PCDHA3: variants seen among roughly 807,000 people sequenced by gnomAD.
The protein encoded by PCDHA3 is protocadherin alpha 3.
In PCDHA3, 41 loss-of-function variants were observed where a neutral mutation model predicts 62.2. That is an observed-to-expected ratio of 0.66 (90% confidence interval 0.51 to 0.86). The LOEUF is 0.86. Among genes scored for constraint, PCDHA3 ranks in the 40% least tolerant of loss-of-function variants. The pLI is 0.00. For missense variants in PCDHA3, 1,304 were observed against 1,241.2 expected (o/e 1.05, Z -0.76); for synonymous variants, 640 against 555.4 (o/e 1.15, Z -2.14).
intron 1 of PCDHA3, among the ~76,000 whole-genome samples, chr5:140,915,048 C>T (rs782399136): frequency 2.0e-5 from 3 of 151,284 alleles, no homozygotes; most frequent in East Asian, 1.9e-4. Context: ...TGGGTTCAAG[C>T]GATTCTCCTG....
chr5:140,880,736 T>C (rs1554171410), intron 1 of PCDHA3, among the ~76,000 whole-genome samples: 4 of 152,068 alleles, frequency 2.6e-5, no homozygotes, highest in Non-Finnish European at 5.9e-5. Context: ...ATAGAGAAAA[T>C]GGATTGTCAG....
chr5:140,869,431 G>T lies in PCDHA3; in HGVS notation c.2394+65840G>T, dbSNP rs782430805. ...GTGCAGCATCCACCTGGAGGTGATC[G>T]TGGACAGGCCGCTGCAGGTTTTCCA... is the stretch of plus-strand genomic sequence containing the variant. On this transcript the variant is annotated intron_variant, in intron 1 of 3. Transcript: ENST00000522353. The T allele has an allele frequency of 3.7e-6, 6 of 1,614,204 alleles. No individual in the cohort carries two copies. In the South Asian group the frequency reaches 5.5e-5, roughly 15 times the overall value.
At chr5:140,938,427 T>G (rs992312670) in intron 1 of PCDHA3, among the ~76,000 whole-genome samples, 3 of 152,206 alleles carry the variant, frequency 2.0e-5, no homozygotes, top group African/African-American at 7.2e-5. Flanking sequence ...GCAAAAATCC[T>G]TTATCAGATT....
rs1464705038 is a variant in PCDHA3 at position 140,883,214 on chromosome 5, T to C, written c.2394+79623T>C. 4.3e-6 allele frequency: 7 copies of C among 1,613,892 alleles called. No individual in the cohort carries two copies. The highest frequency in any genetic ancestry group is 5.9e-6 in the Non-Finnish European group (7 of 1,180,024). The stretch of plus-strand genomic sequence containing the variant: ...ACTAGATTTCGAAGAAAAGAAATTA[T>C]ATGAAATATCCGTGGAGGCAGTTGA... On this transcript the variant is annotated intron_variant, in intron 1 of 3. Coordinates refer to ENST00000522353, the MANE Select transcript of PCDHA3 (RefSeq NM_018906.3).
intron 3 of PCDHA3, among the ~76,000 whole-genome samples, chr5:141,006,584 GA>G (rs1353712503): frequency 6.6e-6 from 1 of 152,126 alleles, no homozygotes; most frequent in Non-Finnish European, 1.5e-5. Context: ...GAGGGTTGGA[GA>G]GAAGCAAAAG....
intron 1 of PCDHA3, among the ~76,000 whole-genome samples, chr5:140,971,967 A>C (rs2096509788): frequency 6.6e-6 from 1 of 152,118 alleles, no homozygotes; most frequent in Non-Finnish European, 1.5e-5. Flanking sequence ...ACTTTTTTTC[A>C]ATACTATGAG....
intron 1 of PCDHA3, among the ~76,000 whole-genome samples, chr5:140,964,058 A>C (rs147228403): frequency 1.4e-3 from 207 of 152,356 alleles, no homozygotes; most frequent in Admixed American, 4.3e-3. Flanking sequence ...TGGTGTGGTC[A>C]AGGCATTAGT....
chr5:140,886,659 C>T (rs782545078), intron 1 of PCDHA3, among the ~76,000 whole-genome samples: 4 of 151,858 alleles, frequency 2.6e-5, no homozygotes, highest in African/African-American at 4.8e-5. Context: ...AACCCTGTCT[C>T]TACTAAAAAT....
Position 140,858,234 on chromosome 5 carries a change from C to T in PCDHA3, c.2394+54643C>T, listed in dbSNP as rs782153266. 3 of 1,596,216 alleles carry T rather than the reference C, an allele frequency of 1.9e-6. No homozygotes were observed. The highest frequency in any genetic ancestry group is 3.4e-5 in the Admixed American group (2 of 59,220). ...TGCTCGGCGGCGCCCACCGAGGGCGCATGTGGGCCGGTGAAGCCCACGCTG... is the reference window on the plus strand; with the variant it reads ...TGCTCGGCGGCGCCCACCGAGGGCGTATGTGGGCCGGTGAAGCCCACGCTG... On this transcript the variant is annotated intron_variant, in intron 1 of 3. Coordinates refer to ENST00000522353, the MANE Select transcript of PCDHA3 (RefSeq NM_018906.3).
At chr5:140,861,759 C>T (rs2047064113) in intron 1 of PCDHA3, 1 of 93,332 alleles carries the variant, frequency 1.1e-5, no homozygotes, top group Non-Finnish European at 2.2e-5. Context: ...GATTATTTTT[C>T]CCTGGAAATA....
intron 1 of PCDHA3, chr5:140,859,449 A>T (rs1319113076): frequency 4.5e-6 from 1 of 222,150 alleles, no homozygotes; most frequent in Non-Finnish European, 8.6e-6. Context: ...TTAGTTGCAG[A>T]GTGACAAAAC....
At chr5:140,882,332 G>T (rs782439110) in intron 1 of PCDHA3, 20 of 1,614,060 alleles carry the variant, frequency 1.2e-5, no homozygotes, top group Non-Finnish European at 1.7e-5. Flanking sequence ...TCTGATCCTC[G>T]CAGCCTGGGA....
At chr5:140,882,282 G>A in intron 1 of PCDHA3, 3 of 1,612,830 alleles carry the variant, frequency 1.9e-6, no homozygotes, top group Non-Finnish European at 2.5e-6. Context: ...CTGTCTTCCT[G>A]GCAAGGAGGC....
At chr5:140,821,044 G>A (rs2150108572) in intron 1 of PCDHA3, among the ~76,000 whole-genome samples, 54 of 151,848 alleles carry the variant, frequency 3.6e-4, no homozygotes, top group Non-Finnish European at 6.5e-4. Flanking sequence ...AAGAAACTCA[G>A]GTAAGAATGC....
chr5:140,855,410 T>A (rs2043456249), intron 1 of PCDHA3, among the ~76,000 whole-genome samples: 1 of 149,998 alleles, frequency 6.7e-6, no homozygotes, highest in Admixed American at 6.7e-5. Context: ...TTGAAGCTAA[T>A]GATCTCTAAA....
At chr5:140,840,727 A>G (rs1199707180) in intron 1 of PCDHA3, among the ~76,000 whole-genome samples, 1 of 152,100 alleles carries the variant, frequency 6.6e-6, no homozygotes, top group Admixed American at 6.5e-5. Flanking sequence ...AATAAAGAAA[A>G]GCAAAAATTT....
At chr5:140,867,614 T>C (rs1157399169) in intron 1 of PCDHA3, 3 of 152,134 alleles carry the variant, frequency 2.0e-5, no homozygotes, top group Non-Finnish European at 2.9e-5. Context: ...ATCAAAACTA[T>C]AGAACAAAAT....
chr5:140,857,501 G>T, intron 1 of PCDHA3: 1 of 1,598,358 alleles, frequency 6.3e-7, no homozygotes. Context: ...GGACGCGCAG[G>T]AGAACGCCCT....
At chr5:140,862,209 A>C (rs2047255709) in intron 1 of PCDHA3, 2 of 201,904 alleles carry the variant, frequency 9.9e-6, no homozygotes, top group South Asian at 2.0e-4. Flanking sequence ...TGATCACTGC[A>C]CAGACTTGAT....
Sources: gnomAD v4.1 joint callset for allele counts (sites outside exome capture counted in the v4.1 genomes callset) on GRCh38, gnomAD v4.1.1 for gene constraint, MANE v1.5 for transcripts, NCBI Gene and HGNC (gene_info 2026-07-23, HGNC 2026-07-21) for gene names.